TMEM204: variants seen among roughly 807,000 people sequenced by gnomAD.
TMEM204 encodes the protein claudin-like protein 24.
A neutral mutation model predicts 19.4 loss-of-function variants in TMEM204; 15 were observed. The observed-to-expected ratio is 0.77, with a 90% CI of 0.52 to 1.19. The LOEUF is 1.19. Among genes scored for constraint, TMEM204 ranks in the 50% most tolerant of loss-of-function variants. The pLI is 0.00. For synonymous variants in TMEM204, 161 were observed against 146.0 expected (o/e 1.10, Z -0.74); for missense variants, 287 against 321.2 (o/e 0.89, Z 0.81).
chr16:1,555,339 G>C lies in TMEM204; in HGVS notation c.*313G>C. ...GTTAGGTGGCGCGAGGCTGCCCTGC[G>C]CTCCGCTTTGCTTTGGGATTAATTT... On this transcript the variant is annotated 3_prime_UTR_variant, in exon 3 of 3. Transcript: ENST00000566264. 3.0e-6 allele frequency: 1 copy of C among 333,464 alleles called. No homozygotes were observed. The highest frequency in any genetic ancestry group is 5.6e-6 in the Non-Finnish European group (1 of 179,884). 20.7% of individuals were successfully genotyped at this position (333,464 alleles called of 1,614,324 possible).
In TMEM204 at chr16:1,541,918, C is replaced by G; in HGVS notation, c.281-3C>G. 1 of 1,590,818 alleles carries G rather than the reference C, an allele frequency of 6.3e-7. No individual in the cohort carries two copies. The highest frequency in any genetic ancestry group is 8.6e-7 in the Non-Finnish European group (1 of 1,168,190). On this transcript the variant is annotated splice_polypyrimidine_tract_variant and splice_region_variant and intron_variant, in intron 1 of 2. Coordinates refer to ENST00000566264, the MANE Select transcript of TMEM204 (RefSeq NM_024600.6). Reference sequence around the variant, plus strand: ...CCACTGCCTCTCTGCTCTTGGCCCACAGTGCAGTTCGACATGATGCGCGCC... The same window carrying G: ...CCACTGCCTCTCTGCTCTTGGCCCAGAGTGCAGTTCGACATGATGCGCGCC...
intron 2 of TMEM204, among the ~76,000 whole-genome samples, chr16:1,549,258 T>C (rs2032437608): frequency 6.6e-6 from 1 of 152,218 alleles, no homozygotes; most frequent in South Asian, 2.1e-4. Flanking sequence ...GTCACGTAAA[T>C]GCAAAATTTT....
At chr16:1,549,425 C>T (rs2032452790) in intron 2 of TMEM204, among the ~76,000 whole-genome samples, 1 of 152,176 alleles carries the variant, frequency 6.6e-6, no homozygotes, top group Non-Finnish European at 1.5e-5. Context: ...AGGTGCTTTT[C>T]TTTCTTTCTT....
chr16:1,552,578 C>G (rs910260013), intron 2 of TMEM204, among the ~76,000 whole-genome samples: 1 of 151,954 alleles, frequency 6.6e-6, no homozygotes, highest in South Asian at 2.1e-4. Context: ...CAATCGTGAG[C>G]AGAGGGCACA....
intron 2 of TMEM204, among the ~76,000 whole-genome samples, chr16:1,546,689 G>A (rs984040356): frequency 3.3e-5 from 5 of 152,340 alleles, no homozygotes; most frequent in Admixed American, 6.5e-5. Context: ...GCCAGGATCC[G>A]TTCATGGAGC....
intron 2 of TMEM204, among the ~76,000 whole-genome samples, chr16:1,547,037 G>A (rs533439684): frequency 6.6e-6 from 1 of 152,340 alleles, no homozygotes; most frequent in South Asian, 2.1e-4. Context: ...AGTATGCTGG[G>A]CTTAGCTGGG....
At chr16:1,533,340 G>A (rs1483467181), upstream of TMEM204, 2 of 152,114 alleles carry the variant, frequency 1.3e-5, no homozygotes, top group East Asian at 3.9e-4. This position sits in a 1 kb window ranked among gnomAD's most constrained non-coding sequence, Gnocchi z 4.7. Flanking sequence ...TATGGTCCTG[G>A]GGGCAACTGG....
At chr16:1,548,920 C>T (rs915747138) in intron 2 of TMEM204, among the ~76,000 whole-genome samples, 9 of 152,230 alleles carry the variant, frequency 5.9e-5, no homozygotes, top group Non-Finnish European at 1.3e-4. Flanking sequence ...GTGGAACACA[C>T]GGAAGGTTCC....
chr16:1,540,071 G>A (rs1273206531), intron 1 of TMEM204, among the ~76,000 whole-genome samples: 1 of 152,182 alleles, frequency 6.6e-6, no homozygotes, highest in Non-Finnish European at 1.5e-5. Context: ...GACGGCGGGG[G>A]GACCCTCAGT....
Position 1,555,030 on chromosome 16 carries a change from G to A in TMEM204, c.*4G>A, listed in dbSNP as rs777808222. The A allele has an allele frequency of 1.2e-6, 2 of 1,604,456 alleles. No individual in the cohort carries two copies. Among genetic ancestry groups the A allele is most frequent in the South Asian group, 1.1e-5 (1 of 90,820 alleles). ...CTACGTGGAGTCACCATGCTGAGTC[G>A]CCCTTCTCAGCGCTCCATCAACGCA... On this transcript the variant is annotated 3_prime_UTR_variant, in exon 3 of 3. Coordinates refer to ENST00000566264, the MANE Select transcript of TMEM204 (RefSeq NM_024600.6).
intron 2 of TMEM204, among the ~76,000 whole-genome samples, chr16:1,549,219 CA>C: frequency 6.6e-6 from 1 of 152,348 alleles, no homozygotes; most frequent in Admixed American, 6.5e-5. Context: ...CAAAGACAAA[CA>C]AAAGCCGACG....
chr16:1,530,661 C>G (rs1271765127), upstream of TMEM204: 1 of 150,442 alleles, frequency 6.6e-6, no homozygotes, highest in African/African-American at 2.5e-5. Flanking sequence ...CTCCCCTGTG[C>G]TCTGAACGCC....
chr16:1,546,350 G>A (rs1290393866), intron 2 of TMEM204, among the ~76,000 whole-genome samples: 3 of 152,172 alleles, frequency 2.0e-5, no homozygotes, highest in African/African-American at 4.8e-5. Flanking sequence ...CAGCTGGATC[G>A]CTGGCTGGTT....
chr16:1,544,332 C>T (rs993291600), intron 2 of TMEM204, among the ~76,000 whole-genome samples: 5 of 151,898 alleles, frequency 3.3e-5, no homozygotes, highest in Non-Finnish European at 7.4e-5. Context: ...TACAGGCGCC[C>T]GCCACCATGC....
At chr16:1,546,747 C>T (rs2032210751) in intron 2 of TMEM204, among the ~76,000 whole-genome samples, 1 of 152,232 alleles carries the variant, frequency 6.6e-6, no homozygotes, top group Non-Finnish European at 1.5e-5. Context: ...GCCCGGGCCT[C>T]AGGGTCTGCT....
intron 2 of TMEM204, among the ~76,000 whole-genome samples, chr16:1,543,207 C>T (rs368767810): frequency 3.7e-4 from 57 of 152,380 alleles, no homozygotes; most frequent in African/African-American, 1.3e-3. Context: ...TTCTCCTCCT[C>T]GAGGCCGGTG....
chr16:1,546,799 A>T (rs369070231), intron 2 of TMEM204, among the ~76,000 whole-genome samples: 9 of 152,078 alleles, frequency 5.9e-5, no homozygotes, highest in African/African-American at 1.7e-4. Context: ...CGGTGGTTTG[A>T]TCCAGCAGCC....
intron 2 of TMEM204, among the ~76,000 whole-genome samples, chr16:1,545,597 A>G (rs1243852178): frequency 2.6e-5 from 4 of 152,192 alleles, no homozygotes; most frequent in African/African-American, 9.7e-5. Flanking sequence ...AGGACAAGGA[A>G]ACGCCTGCTA....
chr16:1,554,798 C>T lies in TMEM204; in HGVS notation c.453C>T (p.Ile151=), dbSNP rs779508509. Residue 151 remains isoleucine (I), a synonymous_variant, in exon 3 of 3, where the codon ATC becomes ATT. Transcript: ENST00000566264. ...AFQLASFVLV[I]GLVTFYRIGP... ...CATCTGCAGGTTTTGTCCTGGTCAT[C>T]GGGCTCGTGACTTTCTACAGAATTG... The T allele has an allele frequency of 6.2e-6, 10 of 1,614,074 alleles. No homozygotes were observed. In the East Asian group the frequency reaches 6.7e-5, roughly 11 times the overall value.
Sources: gnomAD v4.1 joint callset for allele counts (sites outside exome capture counted in the v4.1 genomes callset) on GRCh38, gnomAD v4.1.1 for gene constraint, Gnocchi (gnomAD v3.1) non-coding constraint, MANE v1.5 for transcripts, NCBI Gene and HGNC (gene_info 2026-07-23, HGNC 2026-07-21) for gene names.